Variants in MICOS13 observed in about 807,000 individuals in gnomAD.
MICOS13 encodes the protein mitochondrial contact site and cristae organizing system subunit 13.
MICOS13 carries 15 observed loss-of-function variants against 16.1 expected under a neutral mutation model. The ratio of observed to expected loss-of-function variants is 0.93; its 90% CI spans 0.62 to 1.44. The LOEUF is 1.44. Among genes scored for constraint, MICOS13 ranks in the 40% most tolerant of loss-of-function variants. MICOS13 has a pLI of 0.00. For missense variants in MICOS13, 164 were observed against 155.0 expected (o/e 1.06, Z -0.31); for synonymous variants, 61 against 62.6 (o/e 0.97, Z 0.12).
At chr19:5,680,378 C>A in intron 1 of MICOS13, 80 bp downstream of exon 1, 1 of 1,605,528 alleles carries the variant, frequency 6.2e-7, no homozygotes, top group Admixed American at 1.7e-5. Context: ...AAGAGCAGAT[C>A]GGGACCAGAC....
chr19:5,679,498 A>G (rs2145521431), intron 2 of MICOS13, 88 bp downstream of exon 2: 2 of 1,593,100 alleles, frequency 1.3e-6, no homozygotes, highest in Admixed American at 1.7e-5. Context: ...GTCAGCATCA[A>G]TATGGAGGAC....
At chr19:5,679,515 G>A in intron 2 of MICOS13, 71 bp downstream of exon 2, 1 of 1,593,200 alleles carries the variant, frequency 6.3e-7, no homozygotes, top group Non-Finnish European at 8.6e-7. Context: ...GGACAACATC[G>A]TGCAGGGCTG....
At chr19:5,680,049 C>A (rs1189288876) in intron 1 of MICOS13, 2 of 1,522,944 alleles carry the variant, frequency 1.3e-6, no homozygotes, top group African/African-American at 2.8e-5. Context: ...GACGTAAGAT[C>A]TTGACCTTCT....
intron 3 of MICOS13, 124 bp from the exon 4 acceptor site, chr19:5,678,772 C>T: frequency 1.6e-6 from 1 of 638,674 alleles, no homozygotes; most frequent in South Asian, 2.0e-5. Context: ...GATGGAGTCT[C>T]ACTCTGTCTC....
At chr19:5,679,257 G>A (rs2054486203) in intron 3 of MICOS13, 88 bp downstream of exon 3, 1 of 1,371,230 alleles carries the variant, frequency 7.3e-7, no homozygotes, top group Non-Finnish European at 1.0e-6. Context: ...GGGCAGGAAG[G>A]AGGATGGACA....
chr19:5,680,332 GC>G, intron 1 of MICOS13, 125 bp downstream of exon 1: 1 of 1,607,468 alleles, frequency 6.2e-7, no homozygotes, highest in Non-Finnish European at 8.5e-7. Context: ...TGGCCCATAG[GC>G]GGGGAACGAA....
In MICOS13 at chr19:5,680,381, G is replaced by A. The variant is rs182184211; in HGVS notation, c.29+77C>T. On this transcript the variant is annotated intron_variant, in intron 1 of 3. Transcript: ENST00000309324. ...CTAAGGGAAGCGAAGAGCAGATCGG[G>A]ACCAGACTGGAGACAGGGATGCCCA... 2.4e-5 allele frequency: 39 copies of A among 1,606,020 alleles called. No homozygotes were observed. In the East Asian group the frequency reaches 8.3e-4, roughly 34 times the overall value.
intron 1 of MICOS13, 140 bp from the exon 2 acceptor site, chr19:5,679,903 C>G (rs2054501884): frequency 1.4e-5 from 19 of 1,351,266 alleles, no homozygotes; most frequent in Non-Finnish European, 1.9e-5. Flanking sequence ...CACCGTCGAC[C>G]CAGACCCCTA....
chr19:5,679,577 C>T lies in MICOS13; in HGVS notation c.207+9G>A, dbSNP rs747856608. ...GCCAAACCCTGGCCTCGTTCCCGGC[C>T]CGTAGTACCTGGGGTATCTGCAGGC... On this transcript the variant is annotated intron_variant, in intron 2 of 3. Coordinates refer to ENST00000309324, the MANE Select transcript of MICOS13 (RefSeq NM_205767.3). 19 of 1,608,400 alleles carry T rather than the reference C, an allele frequency of 1.2e-5. No individual in the cohort carries two copies. Among genetic ancestry groups the T allele is most frequent in the Non-Finnish European group, 1.6e-5 (19 of 1,177,906 alleles).
intron 1 of MICOS13, 124 bp downstream of exon 1, chr19:5,680,334 G>A: frequency 1.2e-6 from 2 of 1,604,482 alleles, no homozygotes; most frequent in Non-Finnish European, 1.7e-6. Context: ...GCCCATAGGC[G>A]GGGAACGAAG....
At chr19:5,679,092 A>G in intron 3 of MICOS13, 1 of 466,722 alleles carries the variant, frequency 2.1e-6, no homozygotes, top group Non-Finnish European at 3.9e-6. Flanking sequence ...TTGTATTTTT[A>G]GTAGAGATGG....
At position 5,680,480 on chromosome 19, in the gene MICOS13, C is replaced by G. The variant is rs369401769; in HGVS notation, c.7G>C (p.Ala3Pro). ...CACCTCATCAGCGACCACACCCGGGCCACCATGGTCGCTCGGATCCACGCG... is the reference window on the plus strand; with the variant it reads ...CACCTCATCAGCGACCACACCCGGGGCACCATGGTCGCTCGGATCCACGCG... MV[A>P]RVWSLMRFLI... Residue 3 changes from alanine (A) to proline (P), a missense_variant, in exon 1 of 4, where the codon GCC becomes CCC. Physicochemically the swap from Ala to Pro is conservative, Grantham distance 27. Coordinates refer to ENST00000309324, the MANE Select transcript of MICOS13 (RefSeq NM_205767.3). 5.0e-6 allele frequency: 8 copies of G among 1,606,166 alleles called. No homozygotes were observed. Among genetic ancestry groups the G allele is most frequent in the African/African-American group, 1.3e-5 (1 of 74,258 alleles).
intron 1 of MICOS13, chr19:5,680,185 T>C (rs1256489537): frequency 6.5e-7 from 1 of 1,537,092 alleles, no homozygotes; most frequent in African/African-American, 1.4e-5. Context: ...CATTCCCACC[T>C]CACAGAGAAG....
chr19:5,679,608 T>C lies in MICOS13; in HGVS notation c.185A>G (p.Gln62Arg). ...TACCTGGGGTATCTGCAGGCCTGTC[T>C]GCTGACACACGTACTGGCTGAACTG... Reference protein sequence around the residue: ...MYQFSQYVCQQTGLQIPQLPA... With the variant: ...MYQFSQYVCQRTGLQIPQLPA... The change falls in exon 2 of 4, where the codon CAG (glutamine) becomes CGG (arginine). Residue 62 changes from glutamine to arginine, a missense_variant. By Grantham distance (43) the Gln-to-Arg change is conservative. Transcript: ENST00000309324. The C allele has an allele frequency of 6.2e-7, 1 of 1,611,184 alleles. No individual in the cohort carries two copies. The highest frequency in any genetic ancestry group is 1.1e-5 in the South Asian group (1 of 90,948).
chr19:5,679,048 A>G, intron 3 of MICOS13: 1 of 404,750 alleles, frequency 2.5e-6, no homozygotes, highest in East Asian at 5.4e-5. Flanking sequence ...AGCAGCTGGG[A>G]TTACAGGTGT....
intron 3 of MICOS13, 138 bp downstream of exon 3, chr19:5,679,207 C>T (rs146647464): frequency 7.4e-6 from 7 of 940,522 alleles, no homozygotes; most frequent in South Asian, 1.7e-5. Flanking sequence ...CCACTGTGCT[C>T]GGCCTCCTTT....
Position 5,679,579 on chromosome 19 carries a change from G to A in MICOS13, c.207+7C>T, listed in dbSNP as rs751514316. On this transcript the variant is annotated splice_region_variant and intron_variant, in intron 2 of 3. Transcript: ENST00000309324. Reference sequence around the variant, plus strand: ...CAAACCCTGGCCTCGTTCCCGGCCCGTAGTACCTGGGGTATCTGCAGGCCT... The same window carrying A: ...CAAACCCTGGCCTCGTTCCCGGCCCATAGTACCTGGGGTATCTGCAGGCCT... 11 of 1,608,324 alleles carry A rather than the reference G, an allele frequency of 6.8e-6. No individual in the cohort carries two copies. Among genetic ancestry groups the A allele is most frequent in the Admixed American group, 1.7e-5 (1 of 58,774 alleles).
At chr19:5,680,351 T>TGACTCTAAGGGAAGC (rs1568294629) in intron 1 of MICOS13, 107 bp downstream of exon 1, 3 of 1,604,804 alleles carry the variant, frequency 1.9e-6, no homozygotes, top group Non-Finnish European at 2.6e-6. Context: ...GAAGGGGAAG[T>TGACTCTAAGGGAAGC]GACTCTAAGG....
At chr19:5,679,254 AAGG>A (rs752864551) in intron 3 of MICOS13, 88 bp downstream of exon 3, 2 of 1,349,148 alleles carry the variant, frequency 1.5e-6, no homozygotes, top group African/African-American at 2.9e-5. Context: ...GTCGGGCAGG[AAGG>A]AGGATGGACA....
Sources: gnomAD v4.1 joint callset for allele counts on GRCh38, gnomAD v4.1.1 for gene constraint, MANE v1.5 for transcripts, NCBI Gene and HGNC (gene_info 2026-07-23, HGNC 2026-07-21) for gene names.